SDK1: variants seen among roughly 807,000 people sequenced by gnomAD.
SDK1 encodes the protein protein sidekick-1.
A neutral mutation model predicts 245.5 loss-of-function variants in SDK1; 157 were observed. The observed-to-expected ratio is 0.64, with a 90% CI of 0.56 to 0.73. The LOEUF (loss-of-function observed/expected upper bound fraction) is 0.73. Ranked by LOEUF, SDK1 falls within the 30% of genes least tolerant of loss-of-function variation. The probability of loss-of-function intolerance (pLI) is 0.00; values close to 1 mark genes in which losing one functional copy is unlikely to be tolerated. For missense variants in SDK1, 3,583 were observed against 3,002.3 expected, an observed-to-expected ratio of 1.19 and a Z score of -4.52; for synonymous variants, 1,647 against 1,278.5, an observed-to-expected ratio of 1.29 and a Z score of -6.15.
At chr7:3,436,893 T>C (rs1024136344) in intron 1 of SDK1, among the ~76,000 whole-genome samples, 4 of 152,188 alleles carry the variant, frequency 2.6e-5, no homozygotes, top group Non-Finnish European at 5.9e-5. Context: ...GAATGTTCTG[T>C]AATGAAAGTG....
chr7:3,803,295 TTTTCTTTC>T (rs142441133), intron 4 of SDK1, among the ~76,000 whole-genome samples: 33 of 149,242 alleles, frequency 2.2e-4, no homozygotes, highest in African/African-American at 6.3e-4. Context: ...TTTTCTTTTC[TTTTCTTTC>T]TTTCTTTCTT....
chr7:4,100,005 T>C (rs1782429578), intron 22 of SDK1, among the ~76,000 whole-genome samples: 1 of 151,926 alleles, frequency 6.6e-6, no homozygotes, highest in South Asian at 2.1e-4. Context: ...TCAGTGTCTC[T>C]CGAACGTAGG....
intron 4 of SDK1, among the ~76,000 whole-genome samples, chr7:3,733,866 C>T (rs781718975): frequency 3.3e-5 from 5 of 152,176 alleles, no homozygotes; most frequent in East Asian, 1.9e-4. Flanking sequence ...TGAACAGAAT[C>T]GCACATAAGA....
intron 4 of SDK1, among the ~76,000 whole-genome samples, chr7:3,782,185 G>A (rs1241018631): frequency 1.3e-5 from 2 of 152,208 alleles, no homozygotes; most frequent in Non-Finnish European, 2.9e-5. Context: ...TCTGGTGAGG[G>A]CCTCAGGAAG....
At chr7:4,205,847 C>A (rs374249534) in intron 35 of SDK1, 32 bp from the exon 36 acceptor site, 4 of 1,521,602 alleles carry the variant, frequency 2.6e-6, no homozygotes, top group Non-Finnish European at 3.6e-6. Context: ...GAATGAACGT[C>A]TCAGCTTCTC....
chr7:3,948,093 T>A (rs1001033885), intron 5 of SDK1, among the ~76,000 whole-genome samples: 1 of 152,198 alleles, frequency 6.6e-6, no homozygotes, highest in African/African-American at 2.4e-5. Flanking sequence ...AATATCTGGA[T>A]TCAGGTCACG....
chr7:3,754,011 TC>T (rs1459082426), intron 4 of SDK1, among the ~76,000 whole-genome samples: 6 of 152,198 alleles, frequency 3.9e-5, no homozygotes, highest in Non-Finnish European at 8.8e-5. Context: ...CTCTTGGCTT[TC>T]CATTCAGGAC....
chr7:3,628,658 C>T (rs1782192423), intron 2 of SDK1, among the ~76,000 whole-genome samples: 1 of 152,220 alleles, frequency 6.6e-6, no homozygotes, highest in African/African-American at 2.4e-5. Context: ...GTCCTGTCTT[C>T]CTCTTTGTCT....
intron 1 of SDK1, among the ~76,000 whole-genome samples, chr7:3,613,863 A>C (rs892895346): frequency 6.6e-6 from 1 of 152,206 alleles, no homozygotes; most frequent in African/African-American, 2.4e-5. Context: ...TTAGCAAACT[A>C]ACACAGGAAC....
At chr7:3,489,415 T>A (rs1481722009) in intron 1 of SDK1, among the ~76,000 whole-genome samples, 2 of 152,244 alleles carry the variant, frequency 1.3e-5, no homozygotes, top group African/African-American at 2.4e-5. Context: ...TGAAAATTAT[T>A]ACTATAAAAT....
chr7:3,459,895 G>T (rs551719768), intron 1 of SDK1, among the ~76,000 whole-genome samples: 1 of 152,130 alleles, frequency 6.6e-6, no homozygotes, highest in Non-Finnish European at 1.5e-5. Flanking sequence ...TATCTCTCGT[G>T]TTTATTGAGG....
At chr7:3,346,809 A>G (rs7780031) in intron 1 of SDK1, among the ~76,000 whole-genome samples, 2,597 of 43,044 alleles carry the variant, frequency 0.06, 49 homozygotes, top group African/African-American at 0.096. Flanking sequence ...GTGTGTGTGT[A>G]TATATATATA....
chr7:3,537,775 C>A (rs1321873028), intron 1 of SDK1, among the ~76,000 whole-genome samples: 1 of 152,092 alleles, frequency 6.6e-6, no homozygotes, highest in Non-Finnish European at 1.5e-5. Flanking sequence ...TGGTCAGGTT[C>A]CCTGGAGAAG....
chr7:3,639,362 A>C (rs1782573968), intron 3 of SDK1, among the ~76,000 whole-genome samples: 1 of 152,196 alleles, frequency 6.6e-6, no homozygotes, highest in Admixed American at 6.5e-5. Context: ...GGGGAGGACG[A>C]AAAAGTGAAT....
intron 1 of SDK1, among the ~76,000 whole-genome samples, chr7:3,577,177 G>C (rs1562575380): frequency 1.3e-5 from 2 of 151,982 alleles, no homozygotes; most frequent in Non-Finnish European, 2.9e-5. Context: ...TGGAATCGCA[G>C]ACCTACTGCA....
chr7:3,756,199 G>A (rs1238116724), intron 4 of SDK1, among the ~76,000 whole-genome samples: 1 of 148,486 alleles, frequency 6.7e-6, no homozygotes, highest in African/African-American at 2.5e-5. Flanking sequence ...CCTTTCACAT[G>A]GCATAGCACC....
chr7:4,011,428 G>T (rs189299559), intron 15 of SDK1, among the ~76,000 whole-genome samples: 2 of 152,156 alleles, frequency 1.3e-5, no homozygotes, highest in African/African-American at 4.8e-5. Flanking sequence ...CATGTTTTCC[G>T]TGTTCTTTGT....
intron 4 of SDK1, chr7:3,643,697 T>C (rs1782727754): frequency 7.0e-6 from 1 of 142,962 alleles, no homozygotes. Context: ...CTAAACCTCA[T>C]GATTCTCATC....
At chr7:3,455,317 A>G (rs1186222001) in intron 1 of SDK1, among the ~76,000 whole-genome samples, 2 of 149,692 alleles carry the variant, frequency 1.3e-5, no homozygotes, top group African/African-American at 4.9e-5. Context: ...TTCTATATGG[A>G]TTTGCTTTTA....
Sources: gnomAD v4.1 joint callset for allele counts (sites outside exome capture counted in the v4.1 genomes callset) on GRCh38, gnomAD v4.1.1 for gene constraint, MANE v1.5 for transcripts, NCBI Gene and HGNC (gene_info 2026-07-23, HGNC 2026-07-21) for gene names.